The following GSDME variants were observed in gnomAD, a reference collection of about 807,000 sequenced individuals.
GSDME encodes gasdermin-E.
GSDME carries 44 observed loss-of-function variants against 47.5 expected under a neutral mutation model. The ratio of observed to expected loss-of-function variants is 0.93; its 90% CI spans 0.73 to 1.19. GSDME has a LOEUF of 1.19. Among genes scored for constraint, GSDME ranks in the 50% most tolerant of loss-of-function variants. The pLI is 0.00. For missense variants in GSDME, 663 were observed against 604.2 expected (o/e 1.10, Z -1.02); for synonymous variants, 258 against 252.8 (o/e 1.02, Z -0.20).
the GSDME span, among the ~76,000 whole-genome samples, chr7:24,790,974 TGA>T: frequency 2.0e-5 from 3 of 152,184 alleles, no homozygotes; most frequent in Non-Finnish European, 4.4e-5. This position sits in a 1 kb window ranked among gnomAD's most constrained non-coding sequence, Gnocchi z 4.1. Context: ...AATCCCATGG[TGA>T]GTTTCCTCAT....
chr7:24,771,722 A>G, the GSDME span, among the ~76,000 whole-genome samples: 2 of 152,102 alleles, frequency 1.3e-5, no homozygotes, highest in African/African-American at 4.8e-5. This position sits in a 1 kb window ranked among gnomAD's most constrained non-coding sequence, Gnocchi z 4.1. Flanking sequence ...GATGCTCCAC[A>G]CTCACTTGAT....
chr7:24,735,939 TGTTAA>T lies in GSDME; in HGVS notation c.404+8618_404+8622del, dbSNP rs1203412217. Among the ~76,000 whole-genome samples, 2 of 152,136 alleles carry T rather than the reference TGTTAA, an allele frequency of 1.3e-5. No individual in the cohort carries two copies. Among genetic ancestry groups the T allele is most frequent in the African/African-American group, 4.8e-5 (2 of 41,436 alleles). On this transcript the variant is annotated intron_variant, in intron 3 of 9. Coordinates refer to ENST00000645220, the MANE Select transcript of GSDME (RefSeq NM_001127453.2). The surrounding 1 kb of genome is among the most constrained non-coding windows in gnomAD (Gnocchi z 4.4). The stretch of plus-strand genomic sequence containing the variant: ...TCTTTTTATTTGTTTATGCTAGCAG[TGTTAA>T]GTTGTTATCAGCTTAAAATAATGGG...
chr7:24,707,343 C>A (rs1227224698), intron 7 of GSDME: 1 of 471,312 alleles, frequency 2.1e-6, no homozygotes, highest in Admixed American at 2.3e-5. Context: ...ATCTGGGTGG[C>A]TGGAGGGTTG....
At chr7:24,715,647 TC>T (rs1171606572) in intron 5 of GSDME, 1 of 313,092 alleles carries the variant, frequency 3.2e-6, no homozygotes, top group Non-Finnish European at 6.7e-6. Context: ...AACAATTTGA[TC>T]CTCTTCATGA....
At chr7:24,789,416 C>T in the GSDME span, among the ~76,000 whole-genome samples, 1 of 152,188 alleles carries the variant, frequency 6.6e-6, no homozygotes, top group African/African-American at 2.4e-5. Context: ...TGAGCAATTC[C>T]TGTCCCTTTT....
chr7:24,746,566 A>C (rs1444682552), intron 2 of GSDME, among the ~76,000 whole-genome samples: 1 of 152,218 alleles, frequency 6.6e-6, no homozygotes, highest in Non-Finnish European at 1.5e-5. Context: ...GGTTCTACAA[A>C]GTACAGCAAA....
intron 1 of GSDME, among the ~76,000 whole-genome samples, chr7:24,752,659 C>G (rs534130361): frequency 6.6e-6 from 1 of 152,154 alleles, no homozygotes; most frequent in Admixed American, 6.5e-5. Context: ...ATTTACTTTG[C>G]CAAACATGGG....
chr7:24,741,134 C>A (rs1790476986), intron 3 of GSDME, among the ~76,000 whole-genome samples: 1 of 152,084 alleles, frequency 6.6e-6, no homozygotes, highest in African/African-American at 2.4e-5. Flanking sequence ...ACCAAGTCGA[C>A]CTAAGTTATT....
At position 24,719,176 on chromosome 7, in the gene GSDME, T is replaced by C. The variant is rs876305; in HGVS notation, c.447A>G (p.Glu149=). 781,068 of 1,611,166 alleles carry C rather than the reference T, an allele frequency of 0.48. 206,645 individuals carry two copies. The highest frequency in any genetic ancestry group is 0.99 in the East Asian group (44,650 of 44,876). ...AAACGCACAGGACCTCATTCCTTCC[T>C]TCCAGCACCTGCTGGAGCACAGGGT... The part of the protein sequence containing the change: ...LRNPVLQQVL[E]GRNEVLCVLT... The change falls in exon 4 of 10, where the codon GAA becomes GAG. Residue 149 remains glutamate, a synonymous_variant. Transcript: ENST00000645220.
chr7:24,789,325 A>C, the GSDME span, among the ~76,000 whole-genome samples: 1 of 152,210 alleles, frequency 6.6e-6, no homozygotes, highest in South Asian at 2.1e-4. Flanking sequence ...AACCCCCCAG[A>C]CACAGAGTTG....
chr7:24,755,821 C>T (rs1174086660), intron 1 of GSDME, among the ~76,000 whole-genome samples: 5 of 152,132 alleles, frequency 3.3e-5, no homozygotes, highest in East Asian at 1.9e-4. Flanking sequence ...ACCTCAGTTA[C>T]GGTGGAAACA....
chr7:24,748,196 A>G (rs532175483), intron 2 of GSDME, among the ~76,000 whole-genome samples: 7 of 145,156 alleles, frequency 4.8e-5, no homozygotes, highest in South Asian at 2.2e-4. Context: ...ATCTCACTCT[A>G]TCACCCAGGC....
At chr7:24,700,766 C>G (rs571604900) in intron 9 of GSDME, among the ~76,000 whole-genome samples, 1 of 152,234 alleles carries the variant, frequency 6.6e-6, no homozygotes. Flanking sequence ...TAGACCTGCT[C>G]TTTAAGCACA....
rs1419956677 is a variant in GSDME at position 24,706,080 on chromosome 7, C to A, written c.1183+104G>T. 13 of 1,388,542 alleles carry A rather than the reference C, an allele frequency of 9.4e-6. No homozygotes were observed. In the East Asian group the frequency reaches 3.1e-4, roughly 34 times the overall value. The allele number at this position is 1,388,542 out of a possible 1,614,324, so 86.0% of individuals were successfully genotyped here. A position where few individuals can be genotyped will look rare whatever the true frequency, so the allele number is the denominator to read the frequency against. ...CCAGAAGGGAAGGACCTGTATGTAC[C>A]ATATCTTCCACAGTTACCACCTCTG... On this transcript the variant is annotated intron_variant, in intron 8 of 9. Transcript: ENST00000645220.
At chr7:24,781,456 A>G in the GSDME span, among the ~76,000 whole-genome samples, 4 of 152,028 alleles carry the variant, frequency 2.6e-5, no homozygotes, top group African/African-American at 9.7e-5. Context: ...AAGAGTAAAA[A>G]CCACCTCATT....
intron 6 of GSDME, 26 bp from the exon 7 acceptor site, chr7:24,708,280 C>G: frequency 6.2e-7 from 1 of 1,613,686 alleles, no homozygotes; most frequent in Non-Finnish European, 8.5e-7. Flanking sequence ...ACACCCAAGT[C>G]TCATGACTGC....
the GSDME span, among the ~76,000 whole-genome samples, chr7:24,778,120 T>C: frequency 6.6e-6 from 1 of 151,278 alleles, no homozygotes; most frequent in Non-Finnish European, 1.5e-5. This position sits in a 1 kb window ranked among gnomAD's most constrained non-coding sequence, Gnocchi z 5.6. Context: ...TGTATGTGCA[T>C]GTGTGTCTGT....
chr7:24,735,300 T>A lies in GSDME; in HGVS notation c.404+9262A>T, dbSNP rs1172585150. Among the ~76,000 whole-genome samples, 1 of 152,224 alleles carries A rather than the reference T, an allele frequency of 6.6e-6. No individual in the cohort carries two copies. Among genetic ancestry groups the A allele is most frequent in the African/African-American group, 2.4e-5 (1 of 41,456 alleles). On this transcript the variant is annotated intron_variant, in intron 3 of 9. Transcript: ENST00000645220. This position sits in a 1 kb window ranked among gnomAD's most constrained non-coding sequence, Gnocchi z 4.4. ...CCTACAAGAAATGCTAAAGAGAGTA[T>A]TTTAATCAGAAAGGACATTAATAAG...
intron 3 of GSDME, among the ~76,000 whole-genome samples, chr7:24,720,192 C>A (rs905218051): frequency 7.9e-5 from 12 of 152,174 alleles, no homozygotes. Flanking sequence ...TGCAAACTTT[C>A]AAGAACAGAC....
Sources: allele counts gnomAD v4.1 joint callset (sites outside exome capture counted in the v4.1 genomes callset), GRCh38; gene constraint gnomAD v4.1.1; non-coding constraint Gnocchi (gnomAD v3.1); transcripts MANE v1.5; gene names NCBI Gene and HGNC (gene_info 2026-07-23, HGNC 2026-07-21).